RBM4: variants seen among roughly 807,000 people sequenced by gnomAD.
RBM4 encodes the protein RNA binding motif protein 4.
Under a neutral mutation model 29.5 loss-of-function variants are expected in RBM4, and 7 were observed. The observed-to-expected ratio is 0.24, with a 90% CI of 0.14 to 0.45. The LOEUF (loss-of-function observed/expected upper bound fraction) is 0.45, where lower values mean the gene tolerates loss of function less well. RBM4 is among the 20% of genes least tolerant of loss of function. RBM4 has a pLI of 1.00. For synonymous variants in RBM4, 220 were observed against 205.4 expected, an observed-to-expected ratio of 1.07 and a Z score of -0.61; for missense variants, 387 against 502.3, an observed-to-expected ratio of 0.77 and a Z score of 2.19.
intron 2 of RBM4, among the ~76,000 whole-genome samples, chr11:66,654,906 C>T (rs1259758465): frequency 6.6e-6 from 1 of 151,690 alleles, no homozygotes; most frequent in African/African-American, 2.4e-5. Flanking sequence ...CTCACTACAA[C>T]GTCCGCCTCC....
downstream of RBM4, among the ~76,000 whole-genome samples, chr11:66,651,123 G>C (rs527591016): frequency 6.7e-6 from 1 of 148,876 alleles, no homozygotes; most frequent in South Asian, 2.1e-4. Flanking sequence ...AAGTAGACTC[G>C]GGGGGGGATG....
At chr11:66,663,747 G>A (rs1268179756) in intron 2 of RBM4, among the ~76,000 whole-genome samples, 1 of 151,154 alleles carries the variant, frequency 6.6e-6, no homozygotes, top group Non-Finnish European at 1.5e-5. Flanking sequence ...TTTTCTTTTT[G>A]TTTTGTAAAT....
At chr11:66,649,521 G>GA (rs1421273319), downstream of RBM4, among the ~76,000 whole-genome samples, 1 of 152,170 alleles carries the variant, frequency 6.6e-6, no homozygotes, top group Non-Finnish European at 1.5e-5. Flanking sequence ...CAGCCTAGGT[G>GA]ACAGAGCAAG....
intron 2 of RBM4, among the ~76,000 whole-genome samples, chr11:66,641,635 G>T (rs1275936835): frequency 1.3e-5 from 2 of 152,130 alleles, no homozygotes; most frequent in Non-Finnish European, 2.9e-5. Flanking sequence ...CTTGATTCAG[G>T]ACAAATTATC....
At chr11:66,665,846 C>A in intron 2 of RBM4, 1 of 1,523,152 alleles carries the variant, frequency 6.6e-7, no homozygotes, top group Non-Finnish European at 8.8e-7. Context: ...CTTTCTTATC[C>A]ATCTTTTAGG....
downstream of RBM4, among the ~76,000 whole-genome samples, chr11:66,649,287 C>G (rs1938774960): frequency 1.3e-5 from 2 of 152,220 alleles, no homozygotes; most frequent in South Asian, 4.1e-4. Context: ...CATGAGCCAT[C>G]ACACCCAGCC....
At chr11:66,661,376 G>A (rs937536951) in intron 2 of RBM4, among the ~76,000 whole-genome samples, 1 of 152,124 alleles carries the variant, frequency 6.6e-6, no homozygotes, top group African/African-American at 2.4e-5. Flanking sequence ...AACCAATCTG[G>A]GGCAAGTTGC....
downstream of RBM4, among the ~76,000 whole-genome samples, chr11:66,646,805 C>T (rs546839999): frequency 6.6e-6 from 1 of 152,160 alleles, no homozygotes. Flanking sequence ...GTGTATCTAG[C>T]TTAACTTAAT....
chr11:66,650,267 CTT>C (rs1472662611), downstream of RBM4, among the ~76,000 whole-genome samples: 1 of 152,218 alleles, frequency 6.6e-6, no homozygotes, highest in African/African-American at 2.4e-5. Context: ...ACCCTGTTAA[CTT>C]TGCCTTTAAA....
chr11:66,659,148 C>G (rs1939023497), intron 2 of RBM4, among the ~76,000 whole-genome samples: 1 of 150,198 alleles, frequency 6.7e-6, no homozygotes, highest in South Asian at 2.1e-4. Context: ...CATTGTATTT[C>G]TGTTATGTAA....
downstream of RBM4, chr11:66,649,666 G>T: frequency 1.5e-6 from 1 of 687,974 alleles, no homozygotes; most frequent in Non-Finnish European, 2.6e-6. Context: ...TTGGCTCTGT[G>T]TAATTGACAA....
chr11:66,642,324 TAACC>T (rs1030850825), intron 2 of RBM4, among the ~76,000 whole-genome samples: 55 of 152,330 alleles, frequency 3.6e-4, no homozygotes, highest in African/African-American at 1.1e-3. Context: ...AGGTGCATCA[TAACC>T]AATTGCATTG....
intron 3 of RBM4, chr11:66,644,831 C>T (rs2135068465): frequency 2.6e-6 from 1 of 385,996 alleles, no homozygotes; most frequent in Admixed American, 6.4e-5. Flanking sequence ...CTCACCTTCT[C>T]TGCCCAGCTC....
chr11:66,640,588 A>G (rs930335221), intron 2 of RBM4: 2 of 228,226 alleles, frequency 8.8e-6, no homozygotes, highest in Non-Finnish European at 1.7e-5. Context: ...ACCTTACACA[A>G]ACTCTTTAAA....
chr11:66,662,515 C>T (rs1939102644), intron 2 of RBM4, among the ~76,000 whole-genome samples: 1 of 152,038 alleles, frequency 6.6e-6, no homozygotes, highest in Non-Finnish European at 1.5e-5. Flanking sequence ...GATTCTTGTG[C>T]CTCAGCCTCC....
chr11:66,640,189 A>C, intron 2 of RBM4, 66 bp downstream of exon 2: 2 of 1,598,104 alleles, frequency 1.3e-6, no homozygotes, highest in Non-Finnish European at 1.7e-6. Flanking sequence ...TTGGATAAGT[A>C]AAAGGAGAGG....
chr11:66,651,408 C>T (rs565581341), downstream of RBM4, among the ~76,000 whole-genome samples: 5 of 150,846 alleles, frequency 3.3e-5, no homozygotes, highest in South Asian at 1.0e-3. Flanking sequence ...AGTGCAGTGG[C>T]ACTATCTCGG....
intron 2 of RBM4, among the ~76,000 whole-genome samples, chr11:66,642,186 G>C (rs749633271): frequency 2.0e-4 from 31 of 152,008 alleles, no homozygotes; most frequent in Non-Finnish European, 4.0e-4. Flanking sequence ...GTGTTTTCTG[G>C]TCTCCCAGAA....
chr11:66,639,184 T>C, intron 1 of RBM4: 1 of 155,902 alleles, frequency 6.4e-6, no homozygotes, highest in East Asian at 1.9e-4. Context: ...GTATTTCCTT[T>C]ATCTCCCACT....
Sources: allele counts gnomAD v4.1 joint callset (sites outside exome capture counted in the v4.1 genomes callset), GRCh38; gene constraint gnomAD v4.1.1; transcripts MANE v1.5; gene names NCBI Gene and HGNC (gene_info 2026-07-23, HGNC 2026-07-21).